The following IPO11 variants were observed in gnomAD, a reference collection of about 807,000 sequenced individuals.
IPO11 encodes the protein importin-11.
Under a neutral mutation model 143.2 loss-of-function variants are expected in IPO11, and 66 were observed. The ratio of observed to expected loss-of-function variants is 0.46; its 90% CI spans 0.38 to 0.57. The LOEUF (loss-of-function observed/expected upper bound fraction) is 0.57, where lower values mean the gene tolerates loss of function less well. Among genes scored for constraint, IPO11 ranks in the 20% least tolerant of loss-of-function variants. The pLI, the probability that IPO11 is intolerant of heterozygous loss-of-function variation, is 0.00. For missense variants in IPO11, 1,026 were observed against 1,141.0 expected (o/e 0.90, Z 1.45); for synonymous variants, 385 against 377.8 (o/e 1.02, Z -0.22).
intron 6 of IPO11, among the ~76,000 whole-genome samples, chr5:62,467,953 T>C (rs755628280): frequency 3.7e-4 from 57 of 152,200 alleles, no homozygotes; most frequent in Non-Finnish European, 6.6e-4. Flanking sequence ...TGTTTGTTTT[T>C]TGTTTTTTTG....
chr5:62,444,923 AAT>A (rs926931035), intron 3 of IPO11, among the ~76,000 whole-genome samples: 60 of 150,926 alleles, frequency 4.0e-4, no homozygotes, highest in Non-Finnish European at 8.3e-4. Flanking sequence ...CATACATATA[AAT>A]ATATATATAA....
chr5:62,502,184 C>T (rs1263670864), intron 16 of IPO11, among the ~76,000 whole-genome samples: 2 of 152,088 alleles, frequency 1.3e-5, no homozygotes, highest in East Asian at 3.9e-4. Context: ...TTTCTTATGT[C>T]TTGACGGCAC....
chr5:62,580,988 G>A lies in IPO11; in HGVS notation c.2583-10589G>A, dbSNP rs978878827. ...ATGTCAGGGAAAACATCTCTAATTT[G>A]TACACAAGAAGTTGAGAAGTTGAAT... On this transcript the variant is annotated intron_variant, in intron 27 of 29. Transcript: ENST00000325324. 1.0e-5 allele frequency: 16 copies of A among 1,551,052 alleles called. No individual in the cohort carries two copies. Among genetic ancestry groups the A allele is most frequent in the African/African-American group, 9.6e-5 (7 of 72,992 alleles).
chr5:62,485,543 A>ATAG (rs1746366877), intron 12 of IPO11, 81 bp downstream of exon 12: 1 of 1,135,158 alleles, frequency 8.8e-7, no homozygotes, highest in Admixed American at 1.9e-5. Flanking sequence ...CACTCTATTA[A>ATAG]AGATTCCAGA....
chr5:62,462,494 AAAAG>A (rs2112182936), intron 5 of IPO11, among the ~76,000 whole-genome samples: 1 of 152,238 alleles, frequency 6.6e-6, no homozygotes, highest in Admixed American at 6.5e-5. Flanking sequence ...TGAAAAAAAA[AAAAG>A]AACAGTTTTG....
chr5:62,611,764 A>T, intron 29 of IPO11, among the ~76,000 whole-genome samples: 1 of 152,188 alleles, frequency 6.6e-6, no homozygotes, highest in East Asian at 1.9e-4. Context: ...GAACTTTTTT[A>T]GTAACTTAGG....
chr5:62,623,105 T>C (rs1580401850), intron 29 of IPO11, among the ~76,000 whole-genome samples: 1 of 152,226 alleles, frequency 6.6e-6, no homozygotes, highest in South Asian at 2.1e-4. Flanking sequence ...TTTAGATATA[T>C]TTCAGAAATT....
intron 24 of IPO11, among the ~76,000 whole-genome samples, chr5:62,543,867 G>A (rs915687286): frequency 1.9e-4 from 29 of 152,172 alleles, no homozygotes; most frequent in African/African-American, 6.3e-4. Flanking sequence ...ATGTGTCCCA[G>A]AGATTCTGGT....
chr5:62,513,442 A>G (rs1251488429), intron 19 of IPO11, among the ~76,000 whole-genome samples: 71 of 72,844 alleles, frequency 9.7e-4, no homozygotes, highest in South Asian at 1.1e-3. Flanking sequence ...TCCCGGACGG[A>G]GCGGCTGGCT....
intron 29 of IPO11, among the ~76,000 whole-genome samples, chr5:62,608,036 C>A (rs1226249018): frequency 2.0e-5 from 3 of 152,152 alleles, no homozygotes; most frequent in African/African-American, 7.2e-5. Context: ...CCAGGCTGTT[C>A]CTGAACTCCT....
chr5:62,517,383 C>T (rs1359947938), intron 20 of IPO11, among the ~76,000 whole-genome samples: 2 of 152,124 alleles, frequency 1.3e-5, no homozygotes, highest in African/African-American at 4.8e-5. Flanking sequence ...TGTATTATAA[C>T]AGCATCTCTG....
chr5:62,467,336 C>T lies in IPO11; in HGVS notation c.649+73C>T, dbSNP rs540919449. The T allele has an allele frequency of 6.6e-5, 96 of 1,444,260 alleles. 1 individual carries two copies. The highest frequency in any genetic ancestry group is 4.3e-4 in the African/African-American group (30 of 70,060). The allele number at this position is 1,444,260 out of a possible 1,614,324, so 89.5% of individuals were successfully genotyped here. On this transcript the variant is annotated intron_variant, in intron 6 of 29. Coordinates refer to ENST00000325324, the MANE Select transcript of IPO11 (RefSeq NM_016338.5). ...ACAGTCACCAAATAGTTCCTTTAGA[C>T]GGGTTTTCTGTTCCCAGTTTCACTG... is the stretch of plus-strand genomic sequence containing the variant.
At chr5:62,495,250 T>G (rs1741095397) in intron 16 of IPO11, among the ~76,000 whole-genome samples, 1 of 152,250 alleles carries the variant, frequency 6.6e-6, no homozygotes, top group Non-Finnish European at 1.5e-5. Flanking sequence ...TAGAAATTTA[T>G]TAATATAACT....
At chr5:62,548,315 T>A (rs1743277518) in intron 24 of IPO11, among the ~76,000 whole-genome samples, 1 of 152,178 alleles carries the variant, frequency 6.6e-6, no homozygotes, top group African/African-American at 2.4e-5. Context: ...CATCAAGGAT[T>A]CTGTTACTTT....
At chr5:62,513,840 C>T (rs1287684265) in intron 19 of IPO11, among the ~76,000 whole-genome samples, 3 of 142,610 alleles carry the variant, frequency 2.1e-5, no homozygotes, top group South Asian at 2.3e-4. Context: ...TCAGACGGGG[C>T]GGTTGCCAGG....
At chr5:62,497,823 G>C (rs1335248707) in intron 16 of IPO11, among the ~76,000 whole-genome samples, 1 of 152,148 alleles carries the variant, frequency 6.6e-6, no homozygotes, top group Admixed American at 6.5e-5. Context: ...TTATTTTTGA[G>C]TGTGATGTAA....
At chr5:62,501,110 G>T (rs910285324) in intron 16 of IPO11, among the ~76,000 whole-genome samples, 6 of 152,190 alleles carry the variant, frequency 3.9e-5, no homozygotes, top group African/African-American at 1.4e-4. Context: ...GGGAAGTACA[G>T]CTGGGATCTG....
chr5:62,555,453 C>G (rs181066446), intron 26 of IPO11, among the ~76,000 whole-genome samples: 5 of 151,630 alleles, frequency 3.3e-5, no homozygotes, highest in African/African-American at 1.2e-4. Context: ...GCTGTGACTA[C>G]AGATGCGTGC....
chr5:62,595,262 T>G (rs1424903009), intron 28 of IPO11, among the ~76,000 whole-genome samples: 1 of 152,190 alleles, frequency 6.6e-6, no homozygotes, highest in Non-Finnish European at 1.5e-5. Flanking sequence ...GTTAAAGTAG[T>G]CTTATCTTGG....
Sources: gnomAD v4.1 joint callset for allele counts (sites outside exome capture counted in the v4.1 genomes callset) on GRCh38, gnomAD v4.1.1 for gene constraint, MANE v1.5 for transcripts, NCBI Gene and HGNC (gene_info 2026-07-23, HGNC 2026-07-21) for gene names.